The following PARVB variants were observed in gnomAD, a reference collection of about 807,000 sequenced individuals.
PARVB encodes the protein beta-parvin.
Under a neutral mutation model 47.0 loss-of-function variants are expected in PARVB, and 46 were observed. The observed-to-expected ratio is 0.98, with a 90% confidence interval of 0.77 to 1.25. The LOEUF is 1.25. Ranked by LOEUF, PARVB falls within the 50% of genes most tolerant of loss-of-function variation. PARVB has a pLI of 0.00. For synonymous variants in PARVB, 196 were observed against 196.3 expected (o/e 1.00, Z 0.01); for missense variants, 473 against 471.6 (o/e 1.00, Z -0.03).
At chr22:44,054,230 C>A (rs555947229) in intron 1 of PARVB, among the ~76,000 whole-genome samples, 35 of 152,194 alleles carry the variant, frequency 2.3e-4, no homozygotes, top group Non-Finnish European at 3.8e-4. Flanking sequence ...GCCCCAACAT[C>A]TTTTATTATT....
chr22:44,060,184 C>T (rs1394592866), intron 1 of PARVB, among the ~76,000 whole-genome samples: 1 of 152,036 alleles, frequency 6.6e-6, no homozygotes, highest in Non-Finnish European at 1.5e-5. Context: ...GGTGTGGTGG[C>T]AGCCACCTGT....
At chr22:44,132,032 G>T (rs1416266440) in intron 5 of PARVB, among the ~76,000 whole-genome samples, 1 of 152,192 alleles carries the variant, frequency 6.6e-6, no homozygotes. Flanking sequence ...TGACATCACG[G>T]TATTTTCAGC....
intron 6 of PARVB, 114 bp downstream of exon 6, chr22:44,133,123 A>G (rs369184204): frequency 2.4e-4 from 143 of 598,246 alleles, no homozygotes; most frequent in South Asian, 2.2e-3. Context: ...GCTACCTTCT[A>G]TTTTTCCCTT....
chr22:44,039,725 T>G (rs2050984398), intron 1 of PARVB: 1 of 386,718 alleles, frequency 2.6e-6, no homozygotes, highest in Non-Finnish European at 5.3e-6. Flanking sequence ...AGGAACAAGG[T>G]GCCGGTACAG....
chr22:44,044,345 A>G (rs1370569373), intron 1 of PARVB, among the ~76,000 whole-genome samples: 1 of 149,994 alleles, frequency 6.7e-6, no homozygotes, highest in African/African-American at 2.5e-5. Context: ...CACCCGCCAC[A>G]GTGCCTGGCT....
chr22:44,168,667 A>G lies in PARVB; in HGVS notation c.1084A>G (p.Asn362Asp), dbSNP rs1422855429. ...TTACAACCTGTTCACCAAGTACAAG[A>G]ACGTGGAGTGACGGGGGAGCTGTGG... ...VLYNLFTKYKNVE is the reference protein window; with the variant it reads ...VLYNLFTKYKDVE The change falls in exon 13 of 13, where the codon AAC (asparagine) becomes GAC (aspartate). Residue 362 changes from asparagine (N) to aspartate (D), a missense_variant. Asn to Asp is a conservative substitution (Grantham distance 23, BLOSUM62 1). Transcript: ENST00000338758. 2 of 1,610,134 alleles carry G rather than the reference A, an allele frequency of 1.2e-6. No homozygotes were observed. Among genetic ancestry groups the G allele is most frequent in the Non-Finnish European group, 1.7e-6 (2 of 1,176,584 alleles).
chr22:44,133,838 T>C (rs1050866820), intron 6 of PARVB, among the ~76,000 whole-genome samples: 4 of 152,240 alleles, frequency 2.6e-5, no homozygotes, highest in Non-Finnish European at 4.4e-5. Flanking sequence ...TGCCTGGCCT[T>C]ATTTCCCTTA....
rs1339513087 is a variant in PARVB, at chr22:44,094,084, G to A, written c.202+67G>A. 8 of 935,052 alleles carry A rather than the reference G, an allele frequency of 8.6e-6. No individual in the cohort carries two copies. In the East Asian group the frequency reaches 2.0e-4, roughly 23 times the overall value. The allele number at this position is 935,052 out of a possible 1,614,324, so 57.9% of individuals were successfully genotyped here. On this transcript the variant is annotated intron_variant, in intron 2 of 12. Coordinates refer to ENST00000338758, the MANE Select transcript of PARVB (RefSeq NM_013327.5). Reference sequence around the variant, plus strand: ...TTCCGTGGCACTAAGTTGGTCTTGGGGAGGCCAATGAGGAGCCCGATAGAT... The same window carrying A: ...TTCCGTGGCACTAAGTTGGTCTTGGAGAGGCCAATGAGGAGCCCGATAGAT...
At chr22:44,143,252 GC>G (rs1022950862) in intron 8 of PARVB, 2 of 152,466 alleles carry the variant, frequency 1.3e-5, no homozygotes, top group African/African-American at 4.8e-5. Context: ...CATGGGGATG[GC>G]CTGGCTCCTC....
intron 1 of PARVB, among the ~76,000 whole-genome samples, chr22:44,034,644 C>T (rs2050887260): frequency 6.7e-6 from 1 of 149,174 alleles, no homozygotes; most frequent in South Asian, 2.2e-4. Context: ...ATAGAATTGA[C>T]CCTTGAACAG....
chr22:44,081,601 CCGTTTCTGCTTTCCTTTATGAAGTG>C, intron 1 of PARVB: 3 of 985,330 alleles, frequency 3.0e-6, no homozygotes, highest in Non-Finnish European at 3.6e-6. Flanking sequence ...TTCTGCACGG[CCGTTTCTGCTTTCCTTTATGAAGTG>C]CGTTTCTCTA....
intron 4 of PARVB, among the ~76,000 whole-genome samples, 187 bp downstream of exon 4, chr22:44,119,327 C>T (rs967563038): frequency 2.6e-5 from 4 of 152,276 alleles, no homozygotes; most frequent in South Asian, 4.1e-4. Context: ...CTCCCCTTGC[C>T]GTTTCTACAG....
chr22:44,024,437 G>T lies in PARVB; in HGVS notation c.98G>T (p.Arg33Leu). 1 of 1,205,538 alleles carries T rather than the reference G, an allele frequency of 8.3e-7. No individual in the cohort carries two copies. The highest frequency in any genetic ancestry group is 4.1e-5 in the Admixed American group (1 of 24,356). The allele number at this position is 1,205,538 out of a possible 1,614,324, so 74.7% of individuals were successfully genotyped here. Residue 33 changes from arginine (R) to leucine (L), a missense_variant, in exon 1 of 13, where the codon CGG becomes CTG. By Grantham distance (102) the Arg-to-Leu change is moderately radical (BLOSUM62 -2). Transcript: ENST00000338758. Reference protein sequence around the residue: ...GKLGGTLARKRRAREVSDLQE... With the variant: ...GKLGGTLARKLRAREVSDLQE... ...CTGGGCGGCACCCTGGCCAGGAAGC[G>T]GAGGGCGCGCGAGGGTGAGTGCGCG...
intron 4 of PARVB, among the ~76,000 whole-genome samples, chr22:44,121,217 C>A (rs1034119381): frequency 3.9e-5 from 6 of 152,092 alleles, no homozygotes; most frequent in African/African-American, 4.8e-5. Flanking sequence ...GTTGCCCAGG[C>A]CTGTTTTGTA....
chr22:44,000,087 A>G (rs980608370), intron 2 of PARVB, among the ~76,000 whole-genome samples: 2 of 152,174 alleles, frequency 1.3e-5, no homozygotes, highest in African/African-American at 4.8e-5. Context: ...CTGTTTACCA[A>G]ATCCACTCAC....
chr22:44,117,123 CT>C (rs1483018550), intron 3 of PARVB, among the ~76,000 whole-genome samples: 21 of 151,896 alleles, frequency 1.4e-4, no homozygotes, highest in African/African-American at 5.1e-4. Flanking sequence ...ACGGAACCCC[CT>C]CTCCCCACCC....
chr22:44,042,962 A>G (rs16991365), intron 1 of PARVB, among the ~76,000 whole-genome samples: 1 of 152,298 alleles, frequency 6.6e-6, no homozygotes, highest in African/African-American at 2.4e-5. Context: ...TTTAAGGTTT[A>G]CTGGCGCACT....
chr22:44,110,794 T>G (rs2052679587), intron 3 of PARVB: 1 of 152,090 alleles, frequency 6.6e-6, no homozygotes, highest in South Asian at 2.1e-4. Context: ...GAGACAGGGT[T>G]TCACCATGTT....
chr22:44,131,403 A>G, intron 4 of PARVB, 84 bp from the exon 5 acceptor site: 1 of 1,492,786 alleles, frequency 6.7e-7, no homozygotes, highest in South Asian at 1.3e-5. Flanking sequence ...CGGCCTCTCA[A>G]ACTGCTGGGA....
Sources: gnomAD v4.1 joint callset for allele counts (sites outside exome capture counted in the v4.1 genomes callset) on GRCh38, gnomAD v4.1.1 for gene constraint, MANE v1.5 for transcripts, NCBI Gene and HGNC (gene_info 2026-07-23, HGNC 2026-07-21) for gene names.